SORT1: variants seen among roughly 807,000 people sequenced by gnomAD.
SORT1 encodes sortilin.
SORT1 carries 39 observed loss-of-function variants against 101.7 expected under a neutral mutation model. The observed-to-expected ratio is 0.38, with a 90% confidence interval of 0.30 to 0.50. SORT1 has a LOEUF of 0.50. SORT1 is among the 20% of genes least tolerant of loss of function. The probability of loss-of-function intolerance (pLI) is 0.90; values close to 1 mark genes in which losing one functional copy is unlikely to be tolerated. For missense variants in SORT1, 878 were observed against 1,040.4 expected (o/e 0.84, Z 2.15); for synonymous variants, 396 against 393.7 (o/e 1.01, Z -0.07).
chr1:109,360,857 G>C (rs1650679135), intron 3 of SORT1, among the ~76,000 whole-genome samples: 1 of 152,184 alleles, frequency 6.6e-6, no homozygotes, highest in African/African-American at 2.4e-5. Context: ...CAGCCTTGGT[G>C]ATCCCTGAAT....
intron 6 of SORT1, 62 bp from the exon 7 acceptor site, chr1:109,347,594 C>T: frequency 1.7e-6 from 2 of 1,198,282 alleles, no homozygotes; most frequent in South Asian, 1.2e-5. Context: ...CTGTGTTGAC[C>T]TTACTCACAA....
At chr1:109,328,995 A>G (rs550118023) in intron 11 of SORT1, among the ~76,000 whole-genome samples, 74 of 152,202 alleles carry the variant, frequency 4.9e-4, no homozygotes, top group African/African-American at 1.7e-3. Context: ...GGTCCACCCT[A>G]GTGGATTCCA....
intron 1 of SORT1, among the ~76,000 whole-genome samples, chr1:109,395,975 T>C (rs78457848): frequency 2.6e-5 from 4 of 151,760 alleles, no homozygotes; most frequent in East Asian, 1.9e-4. Context: ...TCCCGGCTAC[T>C]TGGGAGGCTG....
At chr1:109,361,561 A>G (rs1650721373) in intron 3 of SORT1, among the ~76,000 whole-genome samples, 1 of 151,768 alleles carries the variant, frequency 6.6e-6, no homozygotes, top group Non-Finnish European at 1.5e-5. Context: ...CACCTCAAAA[A>G]CTCTTTCTGC....
chr1:109,361,975 T>C (rs111389003), intron 3 of SORT1, among the ~76,000 whole-genome samples: 88 of 152,222 alleles, frequency 5.8e-4, no homozygotes, highest in African/African-American at 2.0e-3. Context: ...AAGTTTATGC[T>C]TTTTTTGGGG....
intron 7 of SORT1, among the ~76,000 whole-genome samples, chr1:109,346,378 A>G (rs1649598379): frequency 6.6e-6 from 1 of 151,768 alleles, no homozygotes; most frequent in African/African-American, 2.4e-5. Context: ...GTTTTATTTT[A>G]TACATTTCAG....
intron 10 of SORT1, among the ~76,000 whole-genome samples, 199 bp downstream of exon 10, chr1:109,340,525 G>A (rs1247092557): frequency 1.3e-5 from 2 of 151,532 alleles, no homozygotes; most frequent in African/African-American, 4.9e-5. Flanking sequence ...CTACTGAATT[G>A]TACCCTATAC....
chr1:109,323,271 T>C (rs1647761873), intron 14 of SORT1, 150 bp from the exon 15 acceptor site: 1 of 585,628 alleles, frequency 1.7e-6, no homozygotes. Context: ...AACAAAAAGT[T>C]ACACTAGTCT....
intron 11 of SORT1, among the ~76,000 whole-genome samples, chr1:109,332,604 T>C (rs74546474): frequency 8.5e-5 from 13 of 152,088 alleles, no homozygotes; most frequent in African/African-American, 3.1e-4. Context: ...TTCACAGAAA[T>C]AGAAAAAATC....
At chr1:109,356,032 T>C (rs2101606767) in intron 3 of SORT1, among the ~76,000 whole-genome samples, 1 of 152,216 alleles carries the variant, frequency 6.6e-6, no homozygotes, top group East Asian at 1.9e-4. Context: ...TCACCACGCC[T>C]GGCTAATTTT....
rs1211636566 is a variant in SORT1, at chr1:109,326,468, T to TATATAC, written c.1643+523_1643+524insGTATAT. On this transcript the variant is annotated intron_variant, in intron 13 of 19. Coordinates refer to ENST00000256637, the MANE Select transcript of SORT1 (RefSeq NM_002959.7). ...ATATATATATATATATATATATACATACACACACACACACACATATATATA... is the reference window on the plus strand; with the variant it reads ...ATATATATATATATATATATATACATATATACACACACACACACACACATATATATA... Among the ~76,000 whole-genome samples the TATATAC allele has an allele frequency of 9.7e-4, 61 of 62,712 alleles. 1 individual carries two copies. The highest frequency in any genetic ancestry group is 3.1e-3 in the African/African-American group (47 of 15,328). The allele number at this position is 62,712 out of a possible 152,430, so 41.1% of individuals were successfully genotyped here.
At chr1:109,377,860 CA>C (rs1275404211) in intron 1 of SORT1, among the ~76,000 whole-genome samples, 2 of 152,040 alleles carry the variant, frequency 1.3e-5, no homozygotes, top group African/African-American at 4.8e-5. Context: ...AAGAACACCA[CA>C]AATAAAATCT....
At chr1:109,383,717 A>C (rs576876656) in intron 1 of SORT1, among the ~76,000 whole-genome samples, 1 of 152,346 alleles carries the variant, frequency 6.6e-6, no homozygotes, top group Admixed American at 6.5e-5. Flanking sequence ...AACAGAATAT[A>C]GTTCTGTTAA....
chr1:109,351,970 GTGTGT>G (rs1649997211), intron 5 of SORT1, among the ~76,000 whole-genome samples: 2 of 21,372 alleles, frequency 9.4e-5, no homozygotes, highest in African/African-American at 1.5e-4. Context: ...GTAGGGGTGT[GTGTGT>G]GTGTGTGTGT....
At chr1:109,345,636 G>A (rs1483444466) in intron 8 of SORT1, 115 bp downstream of exon 8, 2 of 975,520 alleles carry the variant, frequency 2.1e-6, no homozygotes. Context: ...ACTCACAGTG[G>A]TACTAAATAT....
chr1:109,338,403 A>G (rs1648985778), intron 10 of SORT1, among the ~76,000 whole-genome samples: 1 of 152,202 alleles, frequency 6.6e-6, no homozygotes. Flanking sequence ...AGGACTTTAC[A>G]AAATAAAAAC....
chr1:109,388,364 G>C (rs949102213), intron 1 of SORT1, among the ~76,000 whole-genome samples: 1 of 151,754 alleles, frequency 6.6e-6, no homozygotes, highest in South Asian at 2.1e-4. Context: ...TCAGACTCTT[G>C]TGTGGCTAGG....
chr1:109,319,422 C>T (rs919706480), intron 15 of SORT1, among the ~76,000 whole-genome samples: 2 of 152,208 alleles, frequency 1.3e-5, no homozygotes, highest in South Asian at 2.1e-4. Flanking sequence ...GTCTCCTTAG[C>T]CTGCATGTCT....
chr1:109,338,228 C>T (rs1648968049), intron 10 of SORT1, among the ~76,000 whole-genome samples: 3 of 152,122 alleles, frequency 2.0e-5, no homozygotes, highest in Non-Finnish European at 4.4e-5. Context: ...ACAGAGGGAA[C>T]TGTCGGTGCA....
Sources: allele counts gnomAD v4.1 joint callset (sites outside exome capture counted in the v4.1 genomes callset), GRCh38; gene constraint gnomAD v4.1.1; transcripts MANE v1.5; gene names NCBI Gene and HGNC (gene_info 2026-07-23, HGNC 2026-07-21).